SGSM1: variants seen among roughly 807,000 people sequenced by gnomAD.
SGSM1 encodes small G protein signaling modulator 1.
A neutral mutation model predicts 133.8 loss-of-function variants in SGSM1; 73 were observed. The ratio of observed to expected loss-of-function variants is 0.55; its 90% CI spans 0.45 to 0.66. The LOEUF (loss-of-function observed/expected upper bound fraction) is 0.66, where lower values mean the gene tolerates loss of function less well. Ranked by LOEUF, SGSM1 falls within the 30% of genes least tolerant of loss-of-function variation. SGSM1 has a pLI of 0.00. For missense variants in SGSM1, 1,213 were observed against 1,448.1 expected (o/e 0.84, Z 2.64); for synonymous variants, 563 against 573.0 (o/e 0.98, Z 0.25).
chr22:24,845,983 T>C (rs1216525350), intron 3 of SGSM1, among the ~76,000 whole-genome samples: 5 of 148,606 alleles, frequency 3.4e-5, no homozygotes, highest in African/African-American at 7.5e-5. Context: ...CTTTCTTTCT[T>C]TCTTTCTTTC....
intron 21 of SGSM1, among the ~76,000 whole-genome samples, chr22:24,912,127 C>T (rs1455873176): frequency 2.0e-5 from 3 of 151,310 alleles, no homozygotes; most frequent in Non-Finnish European, 4.4e-5. Context: ...ACTGCGACAG[C>T]CAAGAGGAGC....
At chr22:24,899,212 T>C (rs2123706240) in intron 19 of SGSM1, among the ~76,000 whole-genome samples, 1 of 152,260 alleles carries the variant, frequency 6.6e-6, no homozygotes, top group South Asian at 2.1e-4. Flanking sequence ...GTTTTCTTTT[T>C]CTTAGTTTGC....
chr22:24,919,708 C>T (rs865978820), intron 23 of SGSM1, 118 bp from the exon 24 acceptor site: 4 of 1,104,198 alleles, frequency 3.6e-6, no homozygotes, highest in Middle Eastern at 6.0e-4. Context: ...TGCACCAGGG[C>T]ACAGGCATAA....
At chr22:24,876,095 A>G (rs2147885587) in intron 12 of SGSM1, among the ~76,000 whole-genome samples, 1 of 152,340 alleles carries the variant, frequency 6.6e-6, no homozygotes. Flanking sequence ...GACCATGGAC[A>G]GCGCAGGTGC....
At chr22:24,820,033 A>C (rs1418346579) in intron 2 of SGSM1, among the ~76,000 whole-genome samples, 1 of 151,964 alleles carries the variant, frequency 6.6e-6, no homozygotes, top group African/African-American at 2.4e-5. Context: ...GGGAAGCCAG[A>C]CGCAAGCAGT....
intron 18 of SGSM1, among the ~76,000 whole-genome samples, chr22:24,897,305 G>A (rs371186558): frequency 2.0e-5 from 3 of 152,120 alleles, no homozygotes; most frequent in East Asian, 3.9e-4. Context: ...ACTTGATCCC[G>A]GGAGGTGGAG....
At chr22:24,857,799 G>C (rs1303703746) in intron 8 of SGSM1, among the ~76,000 whole-genome samples, 1 of 152,198 alleles carries the variant, frequency 6.6e-6, no homozygotes, top group Non-Finnish European at 1.5e-5. Flanking sequence ...TACAGCCTAT[G>C]ACTGCTTTCA....
chr22:24,851,449 G>GGGGAGA (rs1555925285), intron 5 of SGSM1, among the ~76,000 whole-genome samples: 4 of 112,818 alleles, frequency 3.5e-5, no homozygotes, highest in Non-Finnish European at 5.2e-5. Context: ...GGGGGTGGGG[G>GGGGAGA]GAGAGAGAGA....
chr22:24,811,230 C>T (rs1927717371), intron 2 of SGSM1, among the ~76,000 whole-genome samples: 1 of 152,128 alleles, frequency 6.6e-6, no homozygotes, highest in Admixed American at 6.5e-5. Flanking sequence ...CAGCCCACCA[C>T]CACTAGGAGC....
At chr22:24,814,935 C>T (rs1285439477) in intron 2 of SGSM1, among the ~76,000 whole-genome samples, 1 of 152,204 alleles carries the variant, frequency 6.6e-6, no homozygotes, top group African/African-American at 2.4e-5. Flanking sequence ...CCCATCAGCT[C>T]CTGGAGACAG....
chr22:24,807,157 G>A (rs570574132), intron 2 of SGSM1, among the ~76,000 whole-genome samples: 1 of 152,208 alleles, frequency 6.6e-6, no homozygotes, highest in African/African-American at 2.4e-5. Flanking sequence ...CGTGGAGAGG[G>A]GGGCAGTCTA....
At chr22:24,903,420 G>T (rs1933236770) in intron 20 of SGSM1, among the ~76,000 whole-genome samples, 2 of 151,986 alleles carry the variant, frequency 1.3e-5, no homozygotes, top group South Asian at 4.2e-4. Context: ...TGTTGCCCAG[G>T]CTGGTCTTGA....
At chr22:24,919,785 C>T (rs778449507) in intron 23 of SGSM1, 41 bp from the exon 24 acceptor site, 58 of 1,610,114 alleles carry the variant, frequency 3.6e-5, no homozygotes, top group East Asian at 8.9e-5. Context: ...CTGTGAGCCC[C>T]GTCACCAATT....
At chr22:24,868,683 A>G (rs2147874764) in intron 11 of SGSM1, 40 bp from the exon 12 acceptor site, 1 of 1,612,170 alleles carries the variant, frequency 6.2e-7, no homozygotes, top group Non-Finnish European at 8.5e-7. Flanking sequence ...GTGGGGACAG[A>G]TGTGTCCCAA....
intron 20 of SGSM1, among the ~76,000 whole-genome samples, chr22:24,902,931 C>T (rs1456433958): frequency 6.6e-6 from 1 of 152,024 alleles, no homozygotes; most frequent in Non-Finnish European, 1.5e-5. Flanking sequence ...GTCGTAGCTA[C>T]TTTGGGAGGC....
chr22:24,881,450 C>T lies in SGSM1; in HGVS notation c.1495+1924C>T, dbSNP rs1010087883. Among the ~76,000 whole-genome samples the T allele has an allele frequency of 9.9e-5, 15 of 150,834 alleles. 2 individuals are homozygous for T. Among genetic ancestry groups the T allele is most frequent in the African/African-American group, 3.7e-4 (15 of 40,976 alleles). ...GTGTGGTGGTGGGCGCCTGTAGTCC[C>T]AGCTACTCAGGAGGCTGAGGCAGGA... On this transcript the variant is annotated intron_variant, in intron 14 of 24. Transcript: ENST00000400358.
chr22:24,912,740 A>G lies in SGSM1; in HGVS notation c.2916A>G (p.Arg972=), dbSNP rs761699279. 6.2e-7 allele frequency: 1 copy of G among 1,611,892 alleles called. No individual in the cohort carries two copies. The highest frequency in any genetic ancestry group is 8.5e-7 in the Non-Finnish European group (1 of 1,178,836). The change falls in exon 22 of 25, where the codon AGA becomes AGG. Residue 972 remains arginine (R), a synonymous_variant. Transcript: ENST00000400358. The part of the protein sequence containing the change: ...GAMDTHFANM[R]SLIQILDSEL... ...TGGACACGCACTTTGCAAACATGAG[A>G]TCGTTGATCCAGGTATGACCCAGCA...
intron 2 of SGSM1, among the ~76,000 whole-genome samples, chr22:24,818,191 C>A (rs1330430179): frequency 1.3e-5 from 2 of 150,424 alleles, no homozygotes; most frequent in Non-Finnish European, 3.0e-5. Context: ...GAGACCATGC[C>A]ACTGCACTCC....
intron 23 of SGSM1, among the ~76,000 whole-genome samples, chr22:24,919,529 T>C (rs1030970309): frequency 2.0e-5 from 3 of 152,130 alleles, no homozygotes; most frequent in African/African-American, 7.2e-5. Context: ...ATCCATGTAA[T>C]TCATACCTGC....
Sources: gnomAD v4.1 joint callset for allele counts (sites outside exome capture counted in the v4.1 genomes callset) on GRCh38, gnomAD v4.1.1 for gene constraint, MANE v1.5 for transcripts, NCBI Gene and HGNC (gene_info 2026-07-23, HGNC 2026-07-21) for gene names.